CADPS: variants seen among roughly 807,000 people sequenced by gnomAD.
The protein encoded by CADPS is calcium-dependent secretion activator 1.
Under a neutral mutation model 167.3 loss-of-function variants are expected in CADPS, and 57 were observed. That is an observed-to-expected ratio of 0.34 (90% confidence interval 0.28 to 0.42). The LOEUF (loss-of-function observed/expected upper bound fraction) is 0.42. CADPS is among the 20% of genes least tolerant of loss of function. CADPS has a pLI of 1.00. For synonymous variants in CADPS, 676 were observed against 635.3 expected, an observed-to-expected ratio of 1.06 and a Z score of -0.96; for missense variants, 1,414 against 1,738.1, an observed-to-expected ratio of 0.81 and a Z score of 3.32.
At chr3:62,862,767 A>G (rs1164596088) in intron 1 of CADPS, among the ~76,000 whole-genome samples, 1 of 152,356 alleles carries the variant, frequency 6.6e-6, no homozygotes, top group African/African-American at 2.4e-5. Flanking sequence ...GCAATTTTTT[A>G]AAAAGTCTAA....
chr3:62,669,951 T>G (rs1473807025), intron 3 of CADPS, among the ~76,000 whole-genome samples: 1 of 152,166 alleles, frequency 6.6e-6, no homozygotes, highest in Non-Finnish European at 1.5e-5. Flanking sequence ...GAAACCAAGC[T>G]TTAAAAGGTT....
chr3:62,491,393 G>A lies in CADPS; in HGVS notation c.2972C>T (p.Ser991Leu). Reference protein sequence around the residue: ...VVRYVDLMESSIAQSIHRGFE... With the variant: ...VVRYVDLMESLIAQSIHRGFE... ...GCCCCTGTGAATGGATTGTGCAATT[G>A]AGGACTCCATCAGATCCACATATCT... The change falls in exon 21 of 30, where the codon TCA (serine) becomes TTA (leucine). Residue 991 changes from serine to leucine, a missense_variant. Ser to Leu is a moderately radical substitution (Grantham distance 145). Around this residue, in one of 6 missense-constraint regions of CADPS, gnomAD observed 529 missense variants for 629.6 expected, o/e 0.84. Transcript: ENST00000383710. The A allele has an allele frequency of 6.2e-7, 1 of 1,614,130 alleles. No individual in the cohort carries two copies. Among genetic ancestry groups the A allele is most frequent in the Non-Finnish European group, 8.5e-7 (1 of 1,180,020 alleles).
At position 62,402,249 on chromosome 3, in the gene CADPS, G is replaced by C. The variant is rs868845118; in HGVS notation, c.3882+832C>G. 5.8e-3 allele frequency among the ~76,000 whole-genome samples: 773 copies of C among 133,882 alleles called. 15 individuals are homozygous for C. The highest frequency in any genetic ancestry group is 0.02 in the African/African-American group (730 of 36,516). The allele number at this position is 133,882 out of a possible 152,430, so 87.8% of individuals were successfully genotyped here. A position where few individuals can be genotyped will look rare whatever the true frequency, so the allele number is the denominator to read the frequency against. On this transcript the variant is annotated intron_variant, in intron 29 of 29. Transcript: ENST00000383710. ...GAAACGGGGTGGGGGCGGGGGGGGGGGGTGCCCAGGAGTGGGTGTTGCAGG... is the reference window on the plus strand; with the variant it reads ...GAAACGGGGTGGGGGCGGGGGGGGGCGGTGCCCAGGAGTGGGTGTTGCAGG...
chr3:62,747,416 G>A (rs1371796041), intron 3 of CADPS, among the ~76,000 whole-genome samples: 1 of 152,202 alleles, frequency 6.6e-6, no homozygotes, highest in Non-Finnish European at 1.5e-5. Flanking sequence ...GCTCTGTAAT[G>A]AGGTATGGAT....
intron 5 of CADPS, among the ~76,000 whole-genome samples, chr3:62,646,970 G>T (rs1201635568): frequency 6.6e-6 from 1 of 152,164 alleles, no homozygotes; most frequent in Non-Finnish European, 1.5e-5. Context: ...ATCATTTACA[G>T]TTTCTGGCAC....
chr3:62,814,687 G>A (rs2094534229), intron 1 of CADPS, among the ~76,000 whole-genome samples: 1 of 152,066 alleles, frequency 6.6e-6, no homozygotes. Flanking sequence ...CTTAAAAACT[G>A]TCAAGCCATA....
chr3:62,763,381 G>T (rs564693478), intron 2 of CADPS, among the ~76,000 whole-genome samples: 3 of 152,218 alleles, frequency 2.0e-5, no homozygotes, highest in Non-Finnish European at 2.9e-5. Flanking sequence ...GAGTACAGTC[G>T]AGAGGTGGGG....
At chr3:62,709,560 T>A (rs966520467) in intron 3 of CADPS, among the ~76,000 whole-genome samples, 1 of 152,088 alleles carries the variant, frequency 6.6e-6, no homozygotes, top group African/African-American at 2.4e-5. Context: ...CAGTAGCTAT[T>A]TGTTGCTCTC....
intron 1 of CADPS, among the ~76,000 whole-genome samples, chr3:62,800,008 A>C (rs2093669279): frequency 6.6e-6 from 1 of 152,172 alleles, no homozygotes; most frequent in Non-Finnish European, 1.5e-5. Context: ...GTTTGCTAGC[A>C]GTACCTTATA....
intron 3 of CADPS, among the ~76,000 whole-genome samples, chr3:62,729,133 A>G (rs1310848953): frequency 6.6e-6 from 1 of 151,930 alleles, no homozygotes; most frequent in Non-Finnish European, 1.5e-5. Flanking sequence ...ACAGCATCCA[A>G]AAGGTTCACA....
intron 2 of CADPS, among the ~76,000 whole-genome samples, chr3:62,762,656 CAAAA>C (rs35231096): frequency 3.8e-5 from 2 of 53,130 alleles, no homozygotes; most frequent in Non-Finnish European, 4.0e-5. Context: ...AACCCGGACT[CAAAA>C]AAAAAAAAAA....
chr3:62,741,067 C>A (rs1036658511), intron 3 of CADPS, among the ~76,000 whole-genome samples: 3 of 152,142 alleles, frequency 2.0e-5, no homozygotes, highest in Non-Finnish European at 2.9e-5. Context: ...TTCCAGAGAA[C>A]CAGCCCACCC....
chr3:62,649,541 G>GTTTTTTTTT (rs1212818484), intron 5 of CADPS, among the ~76,000 whole-genome samples: 6 of 74,996 alleles, frequency 8.0e-5, no homozygotes, highest in African/African-American at 2.9e-4. Flanking sequence ...ACAATATGTG[G>GTTTTTTTTT]TCTTTTTTTT....
intron 3 of CADPS, among the ~76,000 whole-genome samples, chr3:62,723,059 G>C (rs540611332): frequency 6.6e-6 from 1 of 152,318 alleles, no homozygotes; most frequent in Admixed American, 6.5e-5. Flanking sequence ...ACTAGGCTTT[G>C]AGGATGGTAA....
intron 1 of CADPS, among the ~76,000 whole-genome samples, chr3:62,780,467 G>A (rs868070282): frequency 6.6e-6 from 1 of 152,186 alleles, no homozygotes; most frequent in Middle Eastern, 3.4e-3. Context: ...AAAGATAAAT[G>A]TGTCACCTAG....
At chr3:62,838,573 T>C (rs549163491) in intron 1 of CADPS, among the ~76,000 whole-genome samples, 3 of 152,284 alleles carry the variant, frequency 2.0e-5, no homozygotes, top group African/African-American at 7.2e-5. Flanking sequence ...TTCAAAAGGG[T>C]TAAGAACACA....
intron 3 of CADPS, among the ~76,000 whole-genome samples, chr3:62,663,768 T>C (rs895582522): frequency 2.0e-5 from 3 of 152,144 alleles, no homozygotes; most frequent in Non-Finnish European, 4.4e-5. Flanking sequence ...ACAAAACACA[T>C]TGAAAATCCA....
At chr3:62,743,913 T>C (rs2080878277) in intron 3 of CADPS, among the ~76,000 whole-genome samples, 1 of 152,156 alleles carries the variant, frequency 6.6e-6, no homozygotes, top group Admixed American at 6.5e-5. Flanking sequence ...TACATACATA[T>C]CTACCACCTT....
intron 3 of CADPS, among the ~76,000 whole-genome samples, chr3:62,669,290 G>A (rs2075087092): frequency 6.6e-6 from 1 of 152,164 alleles, no homozygotes; most frequent in Admixed American, 6.5e-5. Context: ...AGCTGGCAGG[G>A]CCCTCCTTTC....
Sources: gnomAD v4.1 joint callset for allele counts (sites outside exome capture counted in the v4.1 genomes callset) on GRCh38, gnomAD v4.1.1 for gene constraint, gnomAD v4.1.1 regional missense constraint, MANE v1.5 for transcripts, NCBI Gene and HGNC (gene_info 2026-07-23, HGNC 2026-07-21) for gene names.